The following CDH13 variants were observed in gnomAD, a reference collection of about 807,000 sequenced individuals.
CDH13 encodes cadherin 13, also known as cadherin-13.
CDH13 carries 24 observed loss-of-function variants against 63.8 expected under a neutral mutation model. The ratio of observed to expected loss-of-function variants is 0.38; its 90% confidence interval spans 0.27 to 0.53. CDH13 has a LOEUF of 0.53. Ranked by LOEUF, CDH13 falls within the 20% of genes least tolerant of loss-of-function variation. The pLI is 0.85. For missense variants in CDH13, 1,049 were observed against 903.1 expected, an observed-to-expected ratio of 1.16 and a Z score of -2.07; for synonymous variants, 503 against 355.3, an observed-to-expected ratio of 1.42 and a Z score of -4.67.
At chr16:83,345,526 G>GA in intron 6 of CDH13, among the ~76,000 whole-genome samples, 1 of 152,284 alleles carries the variant, frequency 6.6e-6, no homozygotes, top group East Asian at 1.9e-4. Context: ...TCTCTCTCTG[G>GA]AAATGCGTAA....
At chr16:83,141,829 C>G (rs2036541521) in intron 4 of CDH13, among the ~76,000 whole-genome samples, 1 of 152,166 alleles carries the variant, frequency 6.6e-6, no homozygotes, top group African/African-American at 2.4e-5. Flanking sequence ...ATCCATGTCC[C>G]TGCAAAGGAC....
At chr16:83,112,467 AT>A (rs1266192680) in intron 3 of CDH13, among the ~76,000 whole-genome samples, 1 of 152,184 alleles carries the variant, frequency 6.6e-6, no homozygotes, top group Non-Finnish European at 1.5e-5. Flanking sequence ...CACAGGTGGT[AT>A]TTTTCTATTT....
intron 3 of CDH13, among the ~76,000 whole-genome samples, chr16:83,039,130 A>G (rs990725398): frequency 6.6e-6 from 1 of 152,212 alleles, no homozygotes; most frequent in African/African-American, 2.4e-5. Flanking sequence ...ACGGAGAGTT[A>G]TGAGGGCCAC....
chr16:83,394,998 A>G (rs928899567), intron 6 of CDH13, among the ~76,000 whole-genome samples: 3 of 151,940 alleles, frequency 2.0e-5, no homozygotes, highest in Non-Finnish European at 2.9e-5. Context: ...AAATGCAAAA[A>G]TTTGCTGGGC....
intron 6 of CDH13, among the ~76,000 whole-genome samples, chr16:83,348,701 G>A (rs942512136): frequency 2.6e-5 from 4 of 152,192 alleles, no homozygotes; most frequent in African/African-American, 4.8e-5. Context: ...TATTTAACAC[G>A]GTGTGATATT....
At chr16:83,294,553 A>G (rs916691768) in intron 5 of CDH13, among the ~76,000 whole-genome samples, 2 of 151,988 alleles carry the variant, frequency 1.3e-5, no homozygotes, top group African/African-American at 4.8e-5. Flanking sequence ...CCATGTTGTC[A>G]CTAATGATAA....
intron 2 of CDH13, among the ~76,000 whole-genome samples, chr16:82,986,991 T>G (rs895028815): frequency 2.6e-5 from 4 of 152,180 alleles, no homozygotes; most frequent in African/African-American, 7.2e-5. Context: ...CATCTTATCT[T>G]GATGGAATTA....
chr16:82,637,425 T>G (rs1318281264), intron 1 of CDH13, among the ~76,000 whole-genome samples: 4 of 127,272 alleles, frequency 3.1e-5, no homozygotes, highest in South Asian at 2.6e-4. Flanking sequence ...ACAGTTACTG[T>G]GCCTTTTTTT....
chr16:82,895,922 A>T (rs2041240560), intron 2 of CDH13, among the ~76,000 whole-genome samples: 1 of 152,100 alleles, frequency 6.6e-6, no homozygotes, highest in South Asian at 2.1e-4. Context: ...CTTTGAACAC[A>T]CTGAGCTTGT....
intron 4 of CDH13, among the ~76,000 whole-genome samples, chr16:83,134,575 GA>G: frequency 1.6e-5 from 1 of 62,312 alleles, no homozygotes; most frequent in African/African-American, 8.7e-5. Context: ...GAGAGAGAGA[GA>G]GAGAGAGAGA....
chr16:83,237,848 C>T (rs1364194730), intron 5 of CDH13, among the ~76,000 whole-genome samples: 2 of 152,168 alleles, frequency 1.3e-5, no homozygotes, highest in African/African-American at 4.8e-5. Flanking sequence ...ATAATAAATA[C>T]TTGATAAACA....
intron 4 of CDH13, among the ~76,000 whole-genome samples, chr16:83,195,147 CAGTGT>C (rs2038842092): frequency 1.3e-5 from 2 of 152,062 alleles, no homozygotes; most frequent in South Asian, 4.2e-4. Flanking sequence ...ACATCATTCA[CAGTGT>C]TTATAATTAA....
At chr16:83,009,311 A>G (rs1714420156) in intron 2 of CDH13, among the ~76,000 whole-genome samples, 1 of 152,250 alleles carries the variant, frequency 6.6e-6, no homozygotes, top group South Asian at 2.1e-4. Flanking sequence ...AGCAGAGTGG[A>G]TCAGTAAGAG....
intron 3 of CDH13, among the ~76,000 whole-genome samples, chr16:83,105,735 C>A (rs949940408): frequency 6.6e-6 from 1 of 152,096 alleles, no homozygotes; most frequent in Non-Finnish European, 1.5e-5. Flanking sequence ...AGAAACCACC[C>A]CCAAATCATC....
At chr16:83,336,646 A>G (rs766618717) in intron 5 of CDH13, among the ~76,000 whole-genome samples, 8 of 152,218 alleles carry the variant, frequency 5.3e-5, no homozygotes, top group Non-Finnish European at 8.8e-5. Context: ...ATCATCTCAA[A>G]AAAGCTCTGT....
intron 1 of CDH13, among the ~76,000 whole-genome samples, chr16:82,697,661 C>T (rs1001017310): frequency 6.6e-6 from 1 of 151,834 alleles, no homozygotes; most frequent in Non-Finnish European, 1.5e-5. Flanking sequence ...AACTCCTGAC[C>T]TCATGATCCA....
At chr16:83,089,455 C>T (rs1389127513) in intron 3 of CDH13, among the ~76,000 whole-genome samples, 1 of 152,220 alleles carries the variant, frequency 6.6e-6, no homozygotes, top group Non-Finnish European at 1.5e-5. Flanking sequence ...GTGTTCTGGG[C>T]TTTCATGCAC....
intron 2 of CDH13, among the ~76,000 whole-genome samples, chr16:82,964,014 G>A (rs1174436910): frequency 6.6e-6 from 1 of 152,208 alleles, no homozygotes; most frequent in Non-Finnish European, 1.5e-5. Flanking sequence ...CGGTGGAGCT[G>A]CGGGCTTTTG....
chr16:83,601,234 T>C (rs1183668055), intron 7 of CDH13, among the ~76,000 whole-genome samples: 2 of 152,064 alleles, frequency 1.3e-5, no homozygotes, highest in African/African-American at 4.8e-5. Flanking sequence ...CCTTACCAGA[T>C]GAATGGTATG....
Sources: gnomAD v4.1 joint callset for allele counts (sites outside exome capture counted in the v4.1 genomes callset) on GRCh38, gnomAD v4.1.1 for gene constraint, MANE v1.5 for transcripts, NCBI Gene and HGNC (gene_info 2026-07-23, HGNC 2026-07-21) for gene names.